The following JPH3 variants were observed in gnomAD, a reference collection of about 807,000 sequenced individuals.
JPH3 encodes the protein junctophilin-3.
In JPH3, 11 loss-of-function variants were observed where a neutral mutation model predicts 59.6. That is an observed-to-expected ratio of 0.18 (90% CI 0.12 to 0.31). The LOEUF is 0.31. Among genes scored for constraint, JPH3 ranks in the 10% least tolerant of loss-of-function variants. The pLI, the probability that JPH3 is intolerant of heterozygous loss-of-function variation, is 1.00. For synonymous variants in JPH3, 673 were observed against 483.6 expected (o/e 1.39, Z -5.14); for missense variants, 1,202 against 1,105.7 (o/e 1.09, Z -1.24).
chr16:87,610,657 C>T (rs994198095), intron 1 of JPH3, among the ~76,000 whole-genome samples: 1 of 152,166 alleles, frequency 6.6e-6, no homozygotes, highest in Non-Finnish European at 1.5e-5. Context: ...GTCAGTCTCC[C>T]TTTACAATTA....
At position 87,677,225 on chromosome 16, in the gene JPH3, C is replaced by CAAAA. The variant is rs59575544; in HGVS notation, c.1161-6909_1161-6906dup. Among the ~76,000 whole-genome samples the CAAAA allele has an allele frequency of 4.7e-4, 38 of 81,714 alleles. 1 individual carries two copies. Among genetic ancestry groups the CAAAA allele is most frequent in the East Asian group, 2.2e-3 (7 of 3,140 alleles). The allele number at this position is 81,714 out of a possible 152,430, so 53.6% of individuals were successfully genotyped here. ...ACACACACACACACACACACACACA[C>CAAAA]AAAAAAAAAAATTAGCCGGGTGTGG... On this transcript the variant is annotated intron_variant, in intron 2 of 4. Coordinates refer to ENST00000284262, the MANE Select transcript of JPH3 (RefSeq NM_020655.4).
Position 87,681,098 on chromosome 16 carries a change from C to T in JPH3, c.1161-3044C>T, listed in dbSNP as rs116687802. Among the ~76,000 whole-genome samples the T allele has an allele frequency of 7.7e-3, 1,167 of 152,254 alleles. 19 individuals carry two copies. The highest frequency in any genetic ancestry group is 0.026 in the African/African-American group (1,100 of 41,522). ...TATTACCCATCGCAGGAGTCAGGTGCACACAGTGATGATAGTTCCGGGAGG... is the reference window on the plus strand; with the variant it reads ...TATTACCCATCGCAGGAGTCAGGTGTACACAGTGATGATAGTTCCGGGAGG... On this transcript the variant is annotated intron_variant, in intron 2 of 4. Coordinates refer to ENST00000284262, the MANE Select transcript of JPH3 (RefSeq NM_020655.4).
chr16:87,637,368 G>C (rs895113066), intron 1 of JPH3, among the ~76,000 whole-genome samples: 3 of 151,484 alleles, frequency 2.0e-5, no homozygotes, highest in Non-Finnish European at 4.4e-5. Flanking sequence ...TCTGTCTCTG[G>C]ATTTACCTGT....
chr16:87,692,483 G>C (rs2033619941), intron 4 of JPH3, among the ~76,000 whole-genome samples: 1 of 152,216 alleles, frequency 6.6e-6, no homozygotes, highest in South Asian at 2.1e-4. Context: ...GGTCTGGGGT[G>C]CTGTCTTCTG....
intron 2 of JPH3, among the ~76,000 whole-genome samples, chr16:87,663,107 A>ATTTC (rs1323678606): frequency 7.8e-6 from 1 of 128,130 alleles, no homozygotes; most frequent in East Asian, 2.2e-4. Flanking sequence ...TTCAAGGTTA[A>ATTTC]TTTCTTTCTT....
rs566520663 is a variant in JPH3 at position 87,626,420 on chromosome 16, C to T, written c.383-17838C>T. 1.2e-4 allele frequency among the ~76,000 whole-genome samples: 18 copies of T among 152,364 alleles called. No individual in the cohort carries two copies. The East Asian group carries it at 3.5e-3, about 29-fold the overall frequency. ...AGGAGGACTGGGGCTCTCCTCCCAG[C>T]ACCACCACGGCCATTGAGCCCAGTG... On this transcript the variant is annotated intron_variant, in intron 1 of 4. Coordinates refer to ENST00000284262, the MANE Select transcript of JPH3 (RefSeq NM_020655.4).
In JPH3 at chr16:87,633,108, C is replaced by T. The variant is rs553479490; in HGVS notation, c.383-11150C>T. On this transcript the variant is annotated intron_variant, in intron 1 of 4. Transcript: ENST00000284262. ...GAATTCTGTGTCCTCAGGCTGCCAT[C>T]ACAAAATACCACAGACAGCATGGCT... Among the ~76,000 whole-genome samples the T allele has an allele frequency of 2.4e-4, 36 of 152,282 alleles. No individual in the cohort carries two copies. The East Asian group carries it at 6.2e-3, about 26-fold the overall frequency.
intron 4 of JPH3, among the ~76,000 whole-genome samples, chr16:87,690,853 G>T (rs1440386470): frequency 1.3e-5 from 2 of 152,250 alleles, no homozygotes; most frequent in African/African-American, 4.8e-5. Flanking sequence ...AAGAGTCTGT[G>T]CCCCTGGTCA....
chr16:87,657,442 G>A (rs1037225605), intron 2 of JPH3, among the ~76,000 whole-genome samples: 1 of 152,170 alleles, frequency 6.6e-6, no homozygotes, highest in Non-Finnish European at 1.5e-5. Context: ...GGTTTCTGTT[G>A]AGGGCGACGA....
chr16:87,631,475 C>T (rs151132236), intron 1 of JPH3, among the ~76,000 whole-genome samples: 5 of 152,218 alleles, frequency 3.3e-5, no homozygotes, highest in African/African-American at 9.6e-5. Context: ...TTCTGATTCT[C>T]AGTCCTTCAT....
At chr16:87,623,372 C>T (rs1031911326) in intron 1 of JPH3, among the ~76,000 whole-genome samples, 6 of 152,190 alleles carry the variant, frequency 3.9e-5, no homozygotes, top group African/African-American at 1.2e-4. Flanking sequence ...GCGTGAGGCT[C>T]ATGGGGGGCT....
chr16:87,634,934 T>C (rs2031685140), intron 1 of JPH3, among the ~76,000 whole-genome samples: 1 of 152,212 alleles, frequency 6.6e-6, no homozygotes, highest in Admixed American at 6.5e-5. Flanking sequence ...TCAGTTTCCT[T>C]CTTTAAGTGG....
At chr16:87,634,752 G>A (rs2031677526) in intron 1 of JPH3, among the ~76,000 whole-genome samples, 1 of 152,236 alleles carries the variant, frequency 6.6e-6, no homozygotes, top group African/African-American at 2.4e-5. Flanking sequence ...CGGAGGCTGT[G>A]ACCCGCCAGG....
Position 87,611,321 on chromosome 16 carries a change from G to A in JPH3, c.382+7793G>A, listed in dbSNP as rs2030724586. The stretch of plus-strand genomic sequence containing the variant: ...GGCAGGTGTGTGTGTCCCTGAAGGA[G>A]CGGCAGAGGCTTCTGGGGGTAGGCA... On this transcript the variant is annotated intron_variant, in intron 1 of 4. Transcript: ENST00000284262. This position sits in a 1 kb window ranked among gnomAD's most constrained non-coding sequence, Gnocchi z 4.5. Among the ~76,000 whole-genome samples, 1 of 152,196 alleles carries A rather than the reference G, an allele frequency of 6.6e-6. No individual in the cohort carries two copies. The highest frequency in any genetic ancestry group is 6.5e-5 in the Admixed American group (1 of 15,288).
chr16:87,687,058 A>G (rs1240808731), intron 3 of JPH3, among the ~76,000 whole-genome samples: 1 of 152,104 alleles, frequency 6.6e-6, no homozygotes, highest in Non-Finnish European at 1.5e-5. Flanking sequence ...TGTGTTTTTT[A>G]CAAGCGCTGG....
At chr16:87,696,335 T>A in intron 4 of JPH3, 1 of 569,754 alleles carries the variant, frequency 1.8e-6, no homozygotes, top group Non-Finnish European at 3.1e-6. Context: ...ACAAGGGAAT[T>A]CCAAGGGAAT....
intron 1 of JPH3, chr16:87,604,977 G>A: frequency 2.2e-6 from 1 of 454,378 alleles, no homozygotes; most frequent in Non-Finnish European, 4.4e-6. Context: ...CAGGCTGTGG[G>A]CCTGTGTGTG....
intron 1 of JPH3, among the ~76,000 whole-genome samples, chr16:87,639,261 A>G (rs554953054): frequency 6.6e-6 from 1 of 152,130 alleles, no homozygotes; most frequent in Admixed American, 6.5e-5. Context: ...TAACCCAGAC[A>G]TTCCCAAGGT....
chr16:87,636,032 C>T (rs1247565440), intron 1 of JPH3, among the ~76,000 whole-genome samples: 1 of 152,338 alleles, frequency 6.6e-6, no homozygotes, highest in African/African-American at 2.4e-5. Context: ...CGAGCCAGAC[C>T]CTCGCGGCGG....
Sources: gnomAD v4.1 joint callset for allele counts (sites outside exome capture counted in the v4.1 genomes callset) on GRCh38, gnomAD v4.1.1 for gene constraint, Gnocchi (gnomAD v3.1) non-coding constraint, MANE v1.5 for transcripts, NCBI Gene and HGNC (gene_info 2026-07-23, HGNC 2026-07-21) for gene names.